Variants in CYP19A1 observed in about 807,000 individuals in gnomAD.
CYP19A1 encodes the protein cytochrome P450 family 19 subfamily A member 1, also known as aromatase.
A neutral mutation model predicts 44.4 loss-of-function variants in CYP19A1; 32 were observed. The ratio of observed to expected loss-of-function variants is 0.72; its 90% CI spans 0.54 to 0.97. CYP19A1 has a LOEUF of 0.97. CYP19A1 is among the 50% of genes least tolerant of loss of function. CYP19A1 has a pLI of 0.00. For synonymous variants in CYP19A1, 212 were observed against 215.6 expected, an observed-to-expected ratio of 0.98 and a Z score of 0.14; for missense variants, 598 against 637.8, an observed-to-expected ratio of 0.94 and a Z score of 0.67.
At chr15:51,260,380 T>A (rs964018370) in intron 1 of CYP19A1, among the ~76,000 whole-genome samples, 1 of 152,244 alleles carries the variant, frequency 6.6e-6, no homozygotes, top group African/African-American at 2.4e-5. Flanking sequence ...TGCTATCATA[T>A]GCATCCATTG....
At chr15:51,306,366 C>T (rs1052122325) in intron 1 of CYP19A1, among the ~76,000 whole-genome samples, 3 of 152,054 alleles carry the variant, frequency 2.0e-5, no homozygotes, top group African/African-American at 7.2e-5. Context: ...TTCTTTTTTA[C>T]ATTTTTGGAA....
chr15:51,337,760 G>A (rs2036800532), intron 1 of CYP19A1: 1 of 152,824 alleles, frequency 6.5e-6, no homozygotes, highest in South Asian at 2.1e-4. Flanking sequence ...AGAGGGCAGA[G>A]CATGGCAGCT....
At chr15:51,272,729 G>A (rs542419162) in intron 1 of CYP19A1, among the ~76,000 whole-genome samples, 1 of 152,164 alleles carries the variant, frequency 6.6e-6, no homozygotes, top group Non-Finnish European at 1.5e-5. Context: ...ACTCATGTAT[G>A]AAGTTTGTAA....
chr15:51,234,794 C>T (rs752422358), intron 3 of CYP19A1, among the ~76,000 whole-genome samples: 6 of 152,126 alleles, frequency 3.9e-5, no homozygotes, highest in Non-Finnish European at 8.8e-5. Flanking sequence ...AGTCCTACCC[C>T]CAGAGGTTCT....
At chr15:51,309,022 A>C (rs892868650) in intron 1 of CYP19A1, among the ~76,000 whole-genome samples, 2 of 152,218 alleles carry the variant, frequency 1.3e-5, no homozygotes. Context: ...CAAAGAGAAA[A>C]GGCAGCAGAG....
At chr15:51,304,643 G>C (rs2036177663) in intron 1 of CYP19A1, among the ~76,000 whole-genome samples, 1 of 152,188 alleles carries the variant, frequency 6.6e-6, no homozygotes, top group South Asian at 2.1e-4. Flanking sequence ...GTAGGTTGCA[G>C]ATTATTGGAG....
intron 1 of CYP19A1, among the ~76,000 whole-genome samples, chr15:51,332,413 C>G (rs906229771): frequency 6.6e-6 from 1 of 152,186 alleles, no homozygotes; most frequent in African/African-American, 2.4e-5. Flanking sequence ...TCCTTTAGAA[C>G]TTTTTGTTCC....
At chr15:51,282,634 ACT>A (rs1280680785) in intron 1 of CYP19A1, among the ~76,000 whole-genome samples, 1 of 151,766 alleles carries the variant, frequency 6.6e-6, no homozygotes, top group African/African-American at 2.4e-5. Flanking sequence ...CTTTCCTTTG[ACT>A]CTGCCAGACT....
At chr15:51,303,363 C>G (rs1410750803) in intron 1 of CYP19A1, among the ~76,000 whole-genome samples, 4 of 152,068 alleles carry the variant, frequency 2.6e-5, no homozygotes. Context: ...TGCTTTTCCT[C>G]TCCTTCTGCC....
At chr15:51,230,658 G>T (rs962427843) in intron 3 of CYP19A1, among the ~76,000 whole-genome samples, 2 of 134,334 alleles carry the variant, frequency 1.5e-5, no homozygotes. Context: ...TCACTCTATC[G>T]CCCAGGCTGG....
intron 1 of CYP19A1, among the ~76,000 whole-genome samples, chr15:51,311,169 G>GA (rs111998825): frequency 4.0e-4 from 60 of 148,318 alleles, no homozygotes; most frequent in East Asian, 9.8e-4. Context: ...GTTGGAACTG[G>GA]AAAAAAAAAA....
At chr15:51,264,195 A>G (rs2034833443) in intron 1 of CYP19A1, among the ~76,000 whole-genome samples, 1 of 152,180 alleles carries the variant, frequency 6.6e-6, no homozygotes, top group South Asian at 2.1e-4. Context: ...TGGCAAGAGA[A>G]TGAGATTTCA....
chr15:51,228,061 G>A lies in CYP19A1; in HGVS notation c.297-128C>T, dbSNP rs144210769. 2.6e-3 allele frequency: 1,878 copies of A among 732,102 alleles called. 29 individuals carry two copies. The African/African-American group carries it at 0.028, about 11-fold the overall frequency. 45.4% of individuals were successfully genotyped at this position (732,102 alleles called of 1,614,324 possible). The stretch of plus-strand genomic sequence containing the variant: ...CCAAATGCAATGTGCATGATTTCTA[G>A]TATTCGGGTTGAATAAGCACTTCTG... On this transcript the variant is annotated intron_variant, in intron 3 of 9. Coordinates refer to ENST00000396402, the MANE Select transcript of CYP19A1 (RefSeq NM_000103.4).
Position 51,319,661 on chromosome 15 carries a change from T to C in CYP19A1, c.-39+18834A>G, listed in dbSNP as rs376812295. The stretch of plus-strand genomic sequence containing the variant: ...ATCTCATGAAAATCATGTCTTCATA[T>C]ATAGCAAAACTTTGGGCTTATGCAT... On this transcript the variant is annotated intron_variant, in intron 1 of 9. Coordinates refer to ENST00000396402, the MANE Select transcript of CYP19A1 (RefSeq NM_000103.4). Among the ~76,000 whole-genome samples, 40 of 152,368 alleles carry C rather than the reference T, an allele frequency of 2.6e-4. No homozygotes were observed. In the East Asian group the frequency reaches 4.0e-3, roughly 15 times the overall value.
intron 1 of CYP19A1, among the ~76,000 whole-genome samples, chr15:51,265,601 A>T (rs1460774998): frequency 6.6e-6 from 1 of 152,048 alleles, no homozygotes; most frequent in African/African-American, 2.4e-5. Flanking sequence ...CACCCACTCG[A>T]CCTGCTCACC....
chr15:51,321,217 G>A (rs549431769), intron 1 of CYP19A1, among the ~76,000 whole-genome samples: 18 of 152,136 alleles, frequency 1.2e-4, no homozygotes, highest in Non-Finnish European at 2.4e-4. Flanking sequence ...ACCCACCAGT[G>A]CCTCTCCATT....
chr15:51,212,533 T>C lies in CYP19A1; in HGVS notation c.1050A>G (p.Ile350Met). 4.0e-6 allele frequency: 6 copies of C among 1,504,624 alleles called. No individual in the cohort carries two copies. The highest frequency in any genetic ancestry group is 5.6e-6 in the Non-Finnish European group (6 of 1,080,152). The allele number at this position is 1,504,624 out of a possible 1,614,324, so 93.2% of individuals were successfully genotyped here. A position where few individuals can be genotyped will look rare whatever the true frequency, so the allele number is the denominator to read the frequency against. ...AGTTTTCCATCACTTTTAATTTTTG[T>C]ATATCATCAATCTTTATGTCTCTCT... ...IGERDIKIDD[I>M]QKLKVMENFI... Residue 350 changes from isoleucine (I) to methionine (M), a missense_variant, in exon 9 of 10, where the codon ATA becomes ATG. Physicochemically the swap from Ile to Met is conservative, Grantham distance 10. Coordinates refer to ENST00000396402, the MANE Select transcript of CYP19A1 (RefSeq NM_000103.4).
At chr15:51,230,260 T>TGGCTTGTG (rs2032923909) in intron 3 of CYP19A1, among the ~76,000 whole-genome samples, 1 of 152,222 alleles carries the variant, frequency 6.6e-6, no homozygotes, top group African/African-American at 2.4e-5. Context: ...GGCCTGGCTC[T>TGGCTTGTG]GGCTTGTGGG....
At chr15:51,299,282 A>G (rs1396855724) in intron 1 of CYP19A1, among the ~76,000 whole-genome samples, 3 of 152,360 alleles carry the variant, frequency 2.0e-5, no homozygotes, top group Middle Eastern at 3.4e-3. Context: ...ATTCATTCAC[A>G]GGAGCTGCTG....
Sources: gnomAD v4.1 joint callset for allele counts (sites outside exome capture counted in the v4.1 genomes callset) on GRCh38, gnomAD v4.1.1 for gene constraint, MANE v1.5 for transcripts, NCBI Gene and HGNC (gene_info 2026-07-23, HGNC 2026-07-21) for gene names.